Variants in GABRG1 observed in about 807,000 individuals in gnomAD.
GABRG1 encodes gamma-aminobutyric acid receptor subunit gamma-1.
GABRG1 carries 49 observed loss-of-function variants against 49.8 expected under a neutral mutation model. That is an observed-to-expected ratio of 0.98 (90% CI 0.78 to 1.25). The LOEUF is 1.25. Among genes scored for constraint, GABRG1 ranks in the 50% most tolerant of loss-of-function variants. The probability of loss-of-function intolerance (pLI) is 0.00; values close to 1 mark genes in which losing one functional copy is unlikely to be tolerated. For missense variants in GABRG1, 552 were observed against 552.3 expected, an observed-to-expected ratio of 1.00 and a Z score of 0.01; for synonymous variants, 232 against 185.1, an observed-to-expected ratio of 1.25 and a Z score of -2.06.
chr4:46,039,560 C>A lies in GABRG1; in HGVS notation c.*1428G>T, dbSNP rs1717676360. 6.6e-6 allele frequency: 1 copy of A among 151,614 alleles called. No individual in the cohort carries two copies. The highest frequency in any genetic ancestry group is 2.4e-5 in the African/African-American group (1 of 41,366). 9.4% of individuals were successfully genotyped at this position (151,614 alleles called of 1,614,324 possible). On this transcript the variant is annotated 3_prime_UTR_variant, in exon 9 of 9. Coordinates refer to ENST00000295452, the MANE Select transcript of GABRG1 (RefSeq NM_173536.4). ...AAAACTCTTCATCATGGTCATTGGT[C>A]TTGGCAACAGAAACAATCTTTAAAG... is the stretch of plus-strand genomic sequence containing the variant.
chr4:46,083,895 C>A, intron 3 of GABRG1, 91 bp downstream of exon 3: 1 of 739,192 alleles, frequency 1.4e-6, no homozygotes, highest in Non-Finnish European at 2.3e-6. Flanking sequence ...TCAGAATTAA[C>A]TATAAAAAAT....
intron 1 of GABRG1, among the ~76,000 whole-genome samples, chr4:46,105,820 G>GATAC (rs1720517475): frequency 6.7e-6 from 1 of 149,930 alleles, no homozygotes; most frequent in South Asian, 2.1e-4. Context: ...TAGATAGATA[G>GATAC]ATAGATAGAT....
At chr4:46,053,476 C>T (rs1718315771) in intron 7 of GABRG1, among the ~76,000 whole-genome samples, 1 of 151,856 alleles carries the variant, frequency 6.6e-6, no homozygotes, top group Non-Finnish European at 1.5e-5. Context: ...ACAGCTTTTA[C>T]TTCAATTATT....
intron 3 of GABRG1, among the ~76,000 whole-genome samples, chr4:46,067,612 T>C (rs1462611161): frequency 6.6e-6 from 1 of 152,076 alleles, no homozygotes; most frequent in Admixed American, 6.6e-5. Flanking sequence ...TAATTAAAAT[T>C]TTATTTTTTG....
intron 2 of GABRG1, among the ~76,000 whole-genome samples, chr4:46,088,387 A>G (rs11931917): frequency 0.58 from 88,534 of 151,788 alleles, 26,545 homozygotes; most frequent in African/African-American, 0.69. Context: ...TAAACACAAA[A>G]TATTTCTGTG....
At chr4:46,096,328 A>AT (rs1720161918) in intron 2 of GABRG1, among the ~76,000 whole-genome samples, 1 of 151,708 alleles carries the variant, frequency 6.6e-6, no homozygotes, top group Admixed American at 6.6e-5. Context: ...TCCCGAGTAA[A>AT]GGGCTAATAA....
chr4:46,047,250 G>A (rs1436837561), intron 8 of GABRG1, among the ~76,000 whole-genome samples: 3 of 152,066 alleles, frequency 2.0e-5, no homozygotes, highest in Admixed American at 6.6e-5. Flanking sequence ...AGCTTGGGAC[G>A]TATGCTAGTC....
chr4:46,119,451 T>C (rs904797866), intron 1 of GABRG1, among the ~76,000 whole-genome samples: 1 of 151,520 alleles, frequency 6.6e-6, no homozygotes, highest in Admixed American at 6.6e-5. Context: ...TGACCTTTAA[T>C]AAGTTCACAA....
intron 5 of GABRG1, among the ~76,000 whole-genome samples, chr4:46,059,633 G>A (rs1252778349): frequency 6.6e-6 from 1 of 151,516 alleles, no homozygotes; most frequent in African/African-American, 2.4e-5. Context: ...GGCTATTCTC[G>A]AACCCCTGAC....
chr4:46,094,074 CAAAG>C (rs1256096507), intron 2 of GABRG1, among the ~76,000 whole-genome samples: 4 of 151,808 alleles, frequency 2.6e-5, no homozygotes, highest in East Asian at 1.9e-4. Context: ...CTGCATGTGA[CAAAG>C]AAGAAATTAC....
chr4:46,114,099 T>C (rs1415596913), intron 1 of GABRG1, among the ~76,000 whole-genome samples: 2 of 151,082 alleles, frequency 1.3e-5, no homozygotes, highest in Admixed American at 6.6e-5. Flanking sequence ...TAAACCCTTT[T>C]GTAGAAAAGT....
intron 1 of GABRG1, among the ~76,000 whole-genome samples, chr4:46,107,237 T>C (rs1213041009): frequency 2.6e-5 from 4 of 151,294 alleles, no homozygotes; most frequent in Non-Finnish European, 5.9e-5. Flanking sequence ...TTATTTTCTT[T>C]TCATTTGTCA....
chr4:46,075,689 A>T (rs1577649606), intron 3 of GABRG1, among the ~76,000 whole-genome samples: 1 of 152,088 alleles, frequency 6.6e-6, no homozygotes, highest in South Asian at 2.1e-4. Context: ...CAAAAAATTT[A>T]AAAAATCAAA....
intron 2 of GABRG1, among the ~76,000 whole-genome samples, chr4:46,094,458 A>G (rs890941268): frequency 6.6e-6 from 1 of 151,970 alleles, no homozygotes; most frequent in African/African-American, 2.4e-5. Context: ...CCACTGAAGA[A>G]AGTAAATGTA....
intron 3 of GABRG1, among the ~76,000 whole-genome samples, chr4:46,073,012 C>T (rs975833784): frequency 8.6e-5 from 13 of 151,722 alleles, no homozygotes; most frequent in Non-Finnish European, 1.9e-4. Context: ...TAAAGAATTT[C>T]ATGAAGTTAG....
chr4:46,105,724 A>G (rs1720510335), intron 1 of GABRG1, among the ~76,000 whole-genome samples: 1 of 146,670 alleles, frequency 6.8e-6, no homozygotes, highest in African/African-American at 2.6e-5. Context: ...AATTTTCTAA[A>G]ATTACTTACC....
intron 7 of GABRG1, among the ~76,000 whole-genome samples, chr4:46,057,431 T>C (rs1718495333): frequency 6.6e-6 from 1 of 152,124 alleles, no homozygotes; most frequent in Non-Finnish European, 1.5e-5. Flanking sequence ...GTGATTCATG[T>C]GTCTTTCACT....
chr4:46,058,640 A>T lies in GABRG1; in HGVS notation c.626-18T>A. 6.3e-7 allele frequency: 1 copy of T among 1,599,656 alleles called. No individual in the cohort carries two copies. Among genetic ancestry groups the T allele is most frequent in the South Asian group, 1.1e-5 (1 of 89,656 alleles). ...GTATCCATCTATAGAGAAAAAATAC[A>T]TAGATTAGCAAGATCCAAATTTGAT... On this transcript the variant is annotated intron_variant, in intron 5 of 8. Coordinates refer to ENST00000295452, the MANE Select transcript of GABRG1 (RefSeq NM_173536.4).
intron 1 of GABRG1, among the ~76,000 whole-genome samples, chr4:46,114,630 T>C (rs890479458): frequency 3.3e-5 from 5 of 150,878 alleles, no homozygotes; most frequent in Non-Finnish European, 5.9e-5. Flanking sequence ...GTGCCCAATT[T>C]AATAAAAATC....
Sources: allele counts gnomAD v4.1 joint callset (sites outside exome capture counted in the v4.1 genomes callset), GRCh38; gene constraint gnomAD v4.1.1; transcripts MANE v1.5; gene names NCBI Gene and HGNC (gene_info 2026-07-23, HGNC 2026-07-21).